Variants in TAS2R1 observed in about 807,000 individuals in gnomAD.
TAS2R1 encodes taste 2 receptor member 1.
For synonymous variants in TAS2R1, 141 were observed against 134.2 expected (o/e 1.05, Z -0.35); for missense variants, 370 against 353.4 (o/e 1.05, Z -0.38).
At chr5:9,885,115 G>A in the TAS2R1 span, among the ~76,000 whole-genome samples, 173 of 152,238 alleles carry the variant, frequency 1.1e-3, no homozygotes, top group African/African-American at 3.9e-3. Flanking sequence ...TAAGTGACTC[G>A]CCCAAGGTCA....
chr5:9,805,298 C>A, the TAS2R1 span, among the ~76,000 whole-genome samples: 6 of 152,130 alleles, frequency 3.9e-5, no homozygotes, highest in East Asian at 3.9e-4. Context: ...AGATTCACAG[C>A]CGAATTCTAT....
the TAS2R1 span, among the ~76,000 whole-genome samples, chr5:9,824,994 C>G: frequency 6.6e-6 from 1 of 152,110 alleles, no homozygotes; most frequent in South Asian, 2.1e-4. Flanking sequence ...GATACAGCCC[C>G]CAACCCAACA....
upstream of TAS2R1, among the ~76,000 whole-genome samples, chr5:9,630,786 C>A (rs749583149): frequency 7.2e-5 from 11 of 151,996 alleles, no homozygotes; most frequent in Non-Finnish European, 1.6e-4. Flanking sequence ...CTTATTTTTC[C>A]AAAATTATGA....
the TAS2R1 span, among the ~76,000 whole-genome samples, chr5:9,895,112 C>T: frequency 6.6e-6 from 1 of 152,144 alleles, no homozygotes; most frequent in Non-Finnish European, 1.5e-5. Flanking sequence ...ATACCAAAGG[C>T]CTCGGCTTTC....
At chr5:9,768,413 T>C in the TAS2R1 span, among the ~76,000 whole-genome samples, 1 of 152,212 alleles carries the variant, frequency 6.6e-6, no homozygotes, top group Non-Finnish European at 1.5e-5. Flanking sequence ...TTCATGAAAC[T>C]GTCAACTCAC....
chr5:9,658,534 C>T (rs1415512105), intron 2 of TAS2R1: 2 of 152,252 alleles, frequency 1.3e-5, no homozygotes, highest in East Asian at 1.9e-4. Context: ...CAGTGCTGCT[C>T]GGCTGAGAGC....
intron 1 of TAS2R1, among the ~76,000 whole-genome samples, chr5:9,675,788 C>T (rs184671341): frequency 9.9e-5 from 15 of 152,212 alleles, no homozygotes; most frequent in African/African-American, 3.1e-4. Flanking sequence ...TATAAGATCA[C>T]GCCATCTGCA....
chr5:9,702,314 G>A (rs889921631), intron 1 of TAS2R1, among the ~76,000 whole-genome samples: 3 of 152,090 alleles, frequency 2.0e-5, no homozygotes, highest in Non-Finnish European at 2.9e-5. Context: ...TTTGCAACCC[G>A]CCCTCAGGAC....
chr5:9,766,327 T>C, the TAS2R1 span, among the ~76,000 whole-genome samples: 13 of 152,198 alleles, frequency 8.5e-5, no homozygotes, highest in Admixed American at 1.3e-4. Flanking sequence ...AGCCAAAACA[T>C]GTAGGAAAGA....
At chr5:9,823,974 A>C in the TAS2R1 span, among the ~76,000 whole-genome samples, 1 of 152,310 alleles carries the variant, frequency 6.6e-6, no homozygotes, top group South Asian at 2.1e-4. Flanking sequence ...CTGTCACTCA[A>C]GAAGTTTGCC....
the TAS2R1 span, among the ~76,000 whole-genome samples, chr5:9,779,165 T>A: frequency 6.6e-6 from 1 of 152,230 alleles, no homozygotes; most frequent in Non-Finnish European, 1.5e-5. Flanking sequence ...CAAGTTCATG[T>A]GAGATCCAAT....
At chr5:9,753,262 C>T in the TAS2R1 span, among the ~76,000 whole-genome samples, 6 of 152,184 alleles carry the variant, frequency 3.9e-5, no homozygotes, top group Non-Finnish European at 7.3e-5. Context: ...GAGATGGTAT[C>T]TCATTGTGGT....
upstream of TAS2R1, among the ~76,000 whole-genome samples, chr5:9,714,843 G>A (rs1002887699): frequency 3.3e-5 from 5 of 152,228 alleles, no homozygotes; most frequent in African/African-American, 1.2e-4. Context: ...CATGATACAT[G>A]CAATATGTGT....
At chr5:9,867,690 T>G in the TAS2R1 span, among the ~76,000 whole-genome samples, 1 of 152,200 alleles carries the variant, frequency 6.6e-6, no homozygotes, top group African/African-American at 2.4e-5. Flanking sequence ...AAACCAATCA[T>G]GCCTTCCCAG....
chr5:9,816,701 T>C, the TAS2R1 span, among the ~76,000 whole-genome samples: 1 of 152,118 alleles, frequency 6.6e-6, no homozygotes, highest in African/African-American at 2.4e-5. Flanking sequence ...TCTTAGCCTA[T>C]TTTGAAAGGT....
At chr5:9,691,623 G>T (rs145253028) in intron 1 of TAS2R1, among the ~76,000 whole-genome samples, 3,523 of 152,344 alleles carry the variant, frequency 0.023, 59 homozygotes, top group East Asian at 0.076. Context: ...AGCAAAACTG[G>T]CATGAAGACT....
chr5:9,899,572 G>A, the TAS2R1 span, among the ~76,000 whole-genome samples: 124 of 151,840 alleles, frequency 8.2e-4, 3 homozygotes, highest in South Asian at 0.024. Flanking sequence ...GGGAGGTGGA[G>A]GTTGCAGTAA....
chr5:9,739,266 G>T, the TAS2R1 span, among the ~76,000 whole-genome samples: 1 of 152,250 alleles, frequency 6.6e-6, no homozygotes, highest in East Asian at 1.9e-4. Context: ...TTCTCATAGT[G>T]AAGGTGAACA....
the TAS2R1 span, among the ~76,000 whole-genome samples, chr5:9,853,715 A>G: frequency 6.6e-6 from 1 of 152,140 alleles, no homozygotes; most frequent in African/African-American, 2.4e-5. Context: ...GGGAGCATAT[A>G]CAGGAATAAA....
Sources: gnomAD v4.1 joint callset for allele counts (sites outside exome capture counted in the v4.1 genomes callset) on GRCh38, gnomAD v4.1.1 for gene constraint, MANE v1.5 for transcripts, NCBI Gene and HGNC (gene_info 2026-07-23, HGNC 2026-07-21) for gene names.